The following TTC28 variants were observed in gnomAD, a reference collection of about 807,000 sequenced individuals.
TTC28 encodes the protein tetratricopeptide repeat protein 28.
In TTC28, 61 loss-of-function variants were observed where a neutral mutation model predicts 198.0. That is an observed-to-expected ratio of 0.31 (90% confidence interval 0.25 to 0.38). TTC28 has a LOEUF of 0.38. Ranked by LOEUF, TTC28 falls within the 10% of genes least tolerant of loss-of-function variation. The probability of loss-of-function intolerance (pLI) is 1.00; values close to 1 mark genes in which losing one functional copy is unlikely to be tolerated. For synonymous variants in TTC28, 1,171 were observed against 1,297.8 expected (o/e 0.90, Z 2.10); for missense variants, 2,678 against 3,164.0 (o/e 0.85, Z 3.69).
At position 28,293,764 on chromosome 22, in the gene TTC28, A is replaced by G. The variant is rs562812775; in HGVS notation, c.933+2434T>C. 2.6e-4 allele frequency among the ~76,000 whole-genome samples: 40 copies of G among 152,318 alleles called. No individual in the cohort carries two copies. The South Asian group carries it at 7.9e-3, about 30-fold the overall frequency. On this transcript the variant is annotated intron_variant, in intron 5 of 22. Transcript: ENST00000397906. ...ATGAATGGTACTTTATAATTCCAGA[A>G]GCAAACACAATAGAAGAAACACAGT... is the stretch of plus-strand genomic sequence containing the variant.
In TTC28 at chr22:28,107,903, C is replaced by T. The variant is rs1942363639; in HGVS notation, c.1942G>A (p.Gly648Arg). The T allele has an allele frequency of 6.4e-7, 1 of 1,551,738 alleles. No homozygotes were observed. Among genetic ancestry groups the T allele is most frequent in the Non-Finnish European group, 8.7e-7 (1 of 1,146,998 alleles). ...TACTTCACTGCCTCCTGATAGTTTC[C>T]AAGGCAGTAATGGGCATAGCCAAGA... ...HNLGYAHYCL[G>R]NYQEAVKYYE... is the part of the protein sequence containing the mutation. The change falls in exon 7 of 23, where the codon GGA (glycine) becomes AGA (arginine). Residue 648 changes from glycine (G) to arginine (R), a missense_variant. Around this residue, in one of 8 missense-constraint regions of TTC28, gnomAD observed 775 missense variants for 845.9 expected, o/e 0.92. Transcript: ENST00000397906.
chr22:28,624,411 T>A (rs186861108), intron 2 of TTC28, among the ~76,000 whole-genome samples: 29 of 151,392 alleles, frequency 1.9e-4, no homozygotes, highest in Non-Finnish European at 3.2e-4. Context: ...AAAACGAACA[T>A]CACTATGGAT....
chr22:28,045,975 C>T lies in TTC28; in HGVS notation c.3933-15609G>A, dbSNP rs767851882. ...ACAGAGCAAGGCTCTGTCTCAAAAA[C>T]GAAAAGAAAGTCATCCCAACTATAA... is the stretch of plus-strand genomic sequence containing the variant. On this transcript the variant is annotated intron_variant, in intron 12 of 22. Coordinates refer to ENST00000397906, the MANE Select transcript of TTC28 (RefSeq NM_001145418.2). Among the ~76,000 whole-genome samples, 9 of 152,050 alleles carry T rather than the reference C, an allele frequency of 5.9e-5. No individual in the cohort carries two copies. In the South Asian group the frequency reaches 8.3e-4, roughly 14 times the overall value.
At chr22:28,304,698 T>C (rs989932189) in intron 3 of TTC28, among the ~76,000 whole-genome samples, 11 of 152,216 alleles carry the variant, frequency 7.2e-5, no homozygotes, top group African/African-American at 2.6e-4. Flanking sequence ...AAAGGCAAAA[T>C]GGTAAGTATG....
intron 12 of TTC28, among the ~76,000 whole-genome samples, chr22:28,043,207 C>A (rs1939726246): frequency 7.8e-6 from 1 of 127,478 alleles, no homozygotes; most frequent in Non-Finnish European, 1.6e-5. Flanking sequence ...CACGCCACTG[C>A]ACTCCAGCCT....
Position 27,996,120 on chromosome 22 carries a change from G to T in TTC28, c.5244+15C>A, listed in dbSNP as rs1443074654. 9 of 1,545,144 alleles carry T rather than the reference G, an allele frequency of 5.8e-6. No individual in the cohort carries two copies. The South Asian group carries it at 7.2e-5, about 12-fold the overall frequency. ...TGCCAGCTCTCGTTGAGTGCAGGGT[G>T]CCCGACCCCCTTACCAGGTGCAGCA... On this transcript the variant is annotated intron_variant, in intron 17 of 22. Coordinates refer to ENST00000397906, the MANE Select transcript of TTC28 (RefSeq NM_001145418.2).
chr22:28,117,015 T>C (rs938164786), intron 6 of TTC28, among the ~76,000 whole-genome samples: 2 of 152,250 alleles, frequency 1.3e-5, no homozygotes, highest in African/African-American at 4.8e-5. Context: ...TCTGGATCTC[T>C]TCCACGTTCA....
intron 2 of TTC28, among the ~76,000 whole-genome samples, chr22:28,425,888 T>C (rs1390615538): frequency 1.3e-5 from 2 of 152,166 alleles, no homozygotes; most frequent in Non-Finnish European, 2.9e-5. Flanking sequence ...ATAGTGGCTG[T>C]CATCATCTCA....
At chr22:28,036,329 C>T (rs991014969) in intron 12 of TTC28, among the ~76,000 whole-genome samples, 2 of 152,236 alleles carry the variant, frequency 1.3e-5, no homozygotes, top group African/African-American at 4.8e-5. Flanking sequence ...TCTCACACCA[C>T]AGTGCAATCA....
intron 2 of TTC28, among the ~76,000 whole-genome samples, chr22:28,378,726 T>C (rs1180936245): frequency 6.6e-6 from 1 of 151,250 alleles, no homozygotes; most frequent in African/African-American, 2.4e-5. Context: ...GATTAGTAGA[T>C]TTGAAGATAT....
chr22:28,387,632 T>C (rs1285919433), intron 2 of TTC28, among the ~76,000 whole-genome samples: 8 of 152,234 alleles, frequency 5.3e-5, no homozygotes, highest in African/African-American at 1.9e-4. Flanking sequence ...TTTGGCTGCA[T>C]AAATGTCTTC....
intron 2 of TTC28, among the ~76,000 whole-genome samples, chr22:28,502,659 G>T (rs146088927): frequency 1.3e-5 from 2 of 149,568 alleles, no homozygotes; most frequent in Non-Finnish European, 3.0e-5. Context: ...AAAAAAAAAA[G>T]AAAGAAAGAA....
intron 6 of TTC28, among the ~76,000 whole-genome samples, chr22:28,146,237 C>T (rs1943466512): frequency 6.6e-6 from 1 of 152,170 alleles, no homozygotes. Context: ...AGTAGTTTCT[C>T]TGCTACAAGA....
chr22:28,238,453 A>G (rs1372822709), intron 5 of TTC28, among the ~76,000 whole-genome samples: 1 of 152,120 alleles, frequency 6.6e-6, no homozygotes, highest in Non-Finnish European at 1.5e-5. Context: ...GTTCTTTTAT[A>G]TTCTATCAAA....
chr22:27,998,574 G>T lies in TTC28; in HGVS notation c.5085C>A (p.Ser1695Arg). Residue 1695 changes from serine (S) to arginine (R), a missense_variant, in exon 16 of 23, where the codon AGC becomes AGA. This residue lies in a region of TTC28 where 314 missense variants were observed against 442.7 expected (regional missense o/e 0.71). Coordinates refer to ENST00000397906, the MANE Select transcript of TTC28 (RefSeq NM_001145418.2). The stretch of plus-strand genomic sequence containing the variant: ...TGGAGGGGTGCGAGAAGGCCTTGCT[G>T]CTCTGCACCACCTTCATGGCCTCCC... ...ALGEAMKVVQ[S>R]SKAFSHPSNW... The T allele has an allele frequency of 6.4e-7, 1 of 1,550,750 alleles. No homozygotes were observed. Among genetic ancestry groups the T allele is most frequent in the Non-Finnish European group, 8.7e-7 (1 of 1,146,990 alleles).
At chr22:28,616,341 G>A (rs2050904949) in intron 2 of TTC28, among the ~76,000 whole-genome samples, 1 of 152,194 alleles carries the variant, frequency 6.6e-6, no homozygotes, top group Non-Finnish European at 1.5e-5. Context: ...TATAAAATTG[G>A]TATTGCAAAT....
intron 2 of TTC28, among the ~76,000 whole-genome samples, chr22:28,597,634 T>C (rs914567703): frequency 6.6e-6 from 1 of 152,114 alleles, no homozygotes; most frequent in African/African-American, 2.4e-5. Context: ...ATATCACCAA[T>C]TATTATAGAG....
rs111302565 is a variant in TTC28 at position 28,445,861 on chromosome 22, TACAC to T, written c.382-139222_382-139219del. ...ATAGCCCTGATGACATACATATCTA[TACAC>T]ACACACACACACACACACACACATA... On this transcript the variant is annotated intron_variant, in intron 2 of 22. Coordinates refer to ENST00000397906, the MANE Select transcript of TTC28 (RefSeq NM_001145418.2). 1.0e-3 allele frequency among the ~76,000 whole-genome samples: 149 copies of T among 146,848 alleles called. 2 individuals carry two copies. Among genetic ancestry groups the T allele is most frequent in the African/African-American group, 2.2e-3 (87 of 40,094 alleles).
At chr22:28,530,064 C>T (rs988458486) in intron 2 of TTC28, among the ~76,000 whole-genome samples, 4 of 152,158 alleles carry the variant, frequency 2.6e-5, no homozygotes, top group African/African-American at 4.8e-5. Flanking sequence ...ATGACTTCGA[C>T]GGTTGAGAGA....
Sources: allele counts gnomAD v4.1 joint callset (sites outside exome capture counted in the v4.1 genomes callset), GRCh38; gene constraint gnomAD v4.1.1; regional missense constraint gnomAD v4.1.1; transcripts MANE v1.5; gene names NCBI Gene and HGNC (gene_info 2026-07-23, HGNC 2026-07-21).